The following ADCY9 variants were observed in gnomAD, a reference collection of about 807,000 sequenced individuals.
ADCY9 encodes the protein adenylate cyclase 9.
In ADCY9, 50 loss-of-function variants were observed where a neutral mutation model predicts 101.5. The ratio of observed to expected loss-of-function variants is 0.49; its 90% CI spans 0.39 to 0.62. The LOEUF (loss-of-function observed/expected upper bound fraction) is 0.62. ADCY9 is among the 20% of genes least tolerant of loss of function. The probability of loss-of-function intolerance (pLI) is 0.00; values close to 1 mark genes in which losing one functional copy is unlikely to be tolerated. For missense variants in ADCY9, 1,662 were observed against 1,800.4 expected, an observed-to-expected ratio of 0.92 and a Z score of 1.39; for synonymous variants, 905 against 769.3, an observed-to-expected ratio of 1.18 and a Z score of -2.92.
chr16:3,983,590 A>G, intron 6 of ADCY9, 150 bp from the exon 7 acceptor site: 1 of 670,784 alleles, frequency 1.5e-6, no homozygotes, highest in Non-Finnish European at 2.6e-6. Flanking sequence ...GTCTCCCTCT[A>G]CTACCCCATT....
At chr16:4,093,569 A>G in intron 2 of ADCY9, among the ~76,000 whole-genome samples, 1 of 152,144 alleles carries the variant, frequency 6.6e-6, no homozygotes, top group East Asian at 1.9e-4. Flanking sequence ...TTGTCTCTAC[A>G]TAAAAAAAGT....
chr16:4,065,474 T>A (rs768407208), intron 2 of ADCY9, among the ~76,000 whole-genome samples: 2 of 152,236 alleles, frequency 1.3e-5, no homozygotes, highest in African/African-American at 2.4e-5. Context: ...CAACACCATG[T>A]TGCCAGAAGG....
rs1444275389 is a variant in ADCY9, at chr16:3,964,018, T to C, written c.*1757A>G. On this transcript the variant is annotated 3_prime_UTR_variant, in exon 11 of 11. Transcript: ENST00000294016. The stretch of plus-strand genomic sequence containing the variant: ...TCTCAGGACGCCGGGACCCTGGCTC[T>C]GGCTGTCCTGATGGGTGGCCATCCC... 6.6e-6 allele frequency: 1 copy of C among 152,604 alleles called. No individual in the cohort carries two copies. Among genetic ancestry groups the C allele is most frequent in the East Asian group, 1.9e-4 (1 of 5,176 alleles). 9.5% of individuals were successfully genotyped at this position (152,604 alleles called of 1,614,324 possible). A position where few individuals can be genotyped will look rare whatever the true frequency, so the allele number is the denominator to read the frequency against.
intron 7 of ADCY9, among the ~76,000 whole-genome samples, chr16:3,980,317 C>T (rs747579738): frequency 7.5e-4 from 114 of 152,238 alleles, no homozygotes; most frequent in Non-Finnish European, 1.4e-3. Flanking sequence ...GCTGAGTGTG[C>T]GGGCCAAGAA....
chr16:4,082,306 G>A (rs1397395658), intron 2 of ADCY9, among the ~76,000 whole-genome samples: 1 of 152,090 alleles, frequency 6.6e-6, no homozygotes, highest in Non-Finnish European at 1.5e-5. Context: ...TAGAGCCCAG[G>A]AGATCAAGGC....
chr16:3,992,504 A>G lies in ADCY9; in HGVS notation c.1990-141T>C. The G allele has an allele frequency of 1.4e-6, 1 of 729,308 alleles. No individual in the cohort carries two copies. Among genetic ancestry groups the G allele is most frequent in the Non-Finnish European group, 2.2e-6 (1 of 450,628 alleles). 45.2% of individuals were successfully genotyped at this position (729,308 alleles called of 1,614,324 possible). ...ACTTTCTGACCTGCGAGGAACCCCC[A>G]CCCCCCTGCGCCTACAGACCTGCTC... On this transcript the variant is annotated intron_variant, in intron 4 of 10. Coordinates refer to ENST00000294016, the MANE Select transcript of ADCY9 (RefSeq NM_001116.4). This position sits in a 1 kb window ranked among gnomAD's most constrained non-coding sequence, Gnocchi z 4.2.
In ADCY9 at chr16:4,115,361, C is replaced by T; in HGVS notation, c.82G>A (p.Val28Met). 2 of 1,610,792 alleles carry T rather than the reference C, an allele frequency of 1.2e-6. No individual in the cohort carries two copies. Among genetic ancestry groups the T allele is most frequent in the Non-Finnish European group, 1.7e-6 (2 of 1,178,794 alleles). The change falls in exon 2 of 11, where the codon GTG becomes ATG. Residue 28 changes from valine (V) to methionine (M), a missense_variant. Physicochemically the swap from Val to Met is conservative, Grantham distance 21. Around this residue, in one of 5 missense-constraint regions of ADCY9, gnomAD observed 422 missense variants for 392.0 expected, o/e 1.08. Coordinates refer to ENST00000294016, the MANE Select transcript of ADCY9 (RefSeq NM_001116.4). The surrounding 1 kb of genome is among the most constrained non-coding windows in gnomAD (Gnocchi z 6.2). ...TGCTTGGGGTTGATCTTGACGCGCA[C>T]GCTGTTGCTGTCCCCGCTGGAGTCG... ...SCDSSGDSNS[V>M]RVKINPKQLS...
At chr16:3,980,987 G>T (rs1008670887) in intron 7 of ADCY9, among the ~76,000 whole-genome samples, 1 of 152,212 alleles carries the variant, frequency 6.6e-6, no homozygotes, top group Non-Finnish European at 1.5e-5. Context: ...GAGGCGCCTG[G>T]CTTTCCTCCT....
At chr16:3,968,271 C>G (rs1205475265) in intron 10 of ADCY9, among the ~76,000 whole-genome samples, 1 of 151,730 alleles carries the variant, frequency 6.6e-6, no homozygotes, top group Non-Finnish European at 1.5e-5. Context: ...TAGCTGGGTT[C>G]ACAGACATGT....
intron 2 of ADCY9, among the ~76,000 whole-genome samples, chr16:4,095,706 A>G (rs540470222): frequency 8.5e-5 from 13 of 152,164 alleles, no homozygotes; most frequent in African/African-American, 3.1e-4. Flanking sequence ...ACCAGGCACC[A>G]TGGGTCACGC....
At chr16:4,028,271 C>G (rs1007858824) in intron 2 of ADCY9, among the ~76,000 whole-genome samples, 1 of 152,120 alleles carries the variant, frequency 6.6e-6, no homozygotes, top group African/African-American at 2.4e-5. Flanking sequence ...CCTCTACTCA[C>G]GAGAAATGGA....
intron 3 of ADCY9, among the ~76,000 whole-genome samples, chr16:3,997,564 G>C (rs2056297073): frequency 6.6e-6 from 1 of 152,238 alleles, no homozygotes; most frequent in Non-Finnish European, 1.5e-5. Context: ...GGCTGCGCTT[G>C]CAGAAGGAAG....
chr16:4,108,099 A>T lies in ADCY9; in HGVS notation c.1693+5651T>A, dbSNP rs530418799. On this transcript the variant is annotated intron_variant, in intron 2 of 10. Transcript: ENST00000294016. ...AGAGATATGACCATGGGTGTGGATG[A>T]GAGCGGAGGAGCATCTTCATTCTGT... 9.2e-5 allele frequency among the ~76,000 whole-genome samples: 14 copies of T among 152,356 alleles called. No homozygotes were observed. In the South Asian group the frequency reaches 1.0e-3, roughly 11 times the overall value.
rs1474269674 is a variant in ADCY9 at position 4,115,032 on chromosome 16, G to A, written c.411C>T (p.His137=). The A allele has an allele frequency of 1.3e-5, 21 of 1,614,010 alleles. No homozygotes were observed. The highest frequency in any genetic ancestry group is 1.8e-5 in the Non-Finnish European group (21 of 1,180,048). ...CLLWSIYFAV[H]MRSRLIVMVA... ...CCATGACGATCAGTCTGGATCTCAT[G>A]TGGACCGCAAAATAGATGCTCCACA... Residue 137 remains histidine (H), a synonymous_variant, in exon 2 of 11, where the codon CAC becomes CAT. Transcript: ENST00000294016. This position sits in a 1 kb window ranked among gnomAD's most constrained non-coding sequence, Gnocchi z 6.2.
At chr16:4,008,599 TC>T (rs1351814019) in intron 2 of ADCY9, among the ~76,000 whole-genome samples, 3 of 148,080 alleles carry the variant, frequency 2.0e-5, no homozygotes, top group Admixed American at 6.9e-5. Context: ...TGAGATGGAG[TC>T]TCACTCTCTC....
chr16:4,039,856 T>C (rs1270758738), intron 2 of ADCY9, among the ~76,000 whole-genome samples: 1 of 151,970 alleles, frequency 6.6e-6, no homozygotes, highest in Non-Finnish European at 1.5e-5. Flanking sequence ...CTGGGTAACA[T>C]AGTGAGATCC....
chr16:4,103,950 C>G (rs767466150), intron 2 of ADCY9, among the ~76,000 whole-genome samples: 9 of 152,274 alleles, frequency 5.9e-5, no homozygotes, highest in African/African-American at 9.6e-5. Flanking sequence ...ATGAGAAGCA[C>G]GCCTACGACG....
chr16:4,111,252 G>T (rs2057111915), intron 2 of ADCY9, among the ~76,000 whole-genome samples: 1 of 151,886 alleles, frequency 6.6e-6, no homozygotes, highest in Non-Finnish European at 1.5e-5. Flanking sequence ...AGAGGGAAAG[G>T]CTAATACACC....
intron 2 of ADCY9, among the ~76,000 whole-genome samples, chr16:4,086,797 T>G (rs996021683): frequency 7.9e-5 from 12 of 152,200 alleles, no homozygotes; most frequent in African/African-American, 2.9e-4. Context: ...GTAGCTGGAA[T>G]TACAGGCATG....
Sources: gnomAD v4.1 joint callset for allele counts (sites outside exome capture counted in the v4.1 genomes callset) on GRCh38, gnomAD v4.1.1 for gene constraint, gnomAD v4.1.1 regional missense constraint, Gnocchi (gnomAD v3.1) non-coding constraint, MANE v1.5 for transcripts, NCBI Gene and HGNC (gene_info 2026-07-23, HGNC 2026-07-21) for gene names.